DOCK4: variants seen among roughly 807,000 people sequenced by gnomAD.
DOCK4 encodes dedicator of cytokinesis protein 4.
A neutral mutation model predicts 268.1 loss-of-function variants in DOCK4; 97 were observed. The ratio of observed to expected loss-of-function variants is 0.36; its 90% CI spans 0.31 to 0.43. The LOEUF is 0.43. DOCK4 is among the 20% of genes least tolerant of loss of function. DOCK4 has a pLI of 1.00. For missense variants in DOCK4, 2,145 were observed against 2,455.7 expected (o/e 0.87, Z 2.67); for synonymous variants, 954 against 887.2 (o/e 1.08, Z -1.34).
intron 1 of DOCK4, among the ~76,000 whole-genome samples, chr7:112,059,046 C>T (rs184827142): frequency 7.9e-5 from 12 of 151,202 alleles, no homozygotes; most frequent in East Asian, 5.8e-4. Context: ...TACAACCACT[C>T]GGGAAATTCA....
chr7:112,180,946 A>T (rs1336521426), intron 1 of DOCK4, among the ~76,000 whole-genome samples: 1 of 152,222 alleles, frequency 6.6e-6, no homozygotes, highest in Non-Finnish European at 1.5e-5. Context: ...AGTTTGGAAG[A>T]CATTTCTTAA....
At chr7:111,757,305 C>T (rs1319345366) in intron 41 of DOCK4, among the ~76,000 whole-genome samples, 3 of 151,900 alleles carry the variant, frequency 2.0e-5, no homozygotes, top group African/African-American at 4.8e-5. Flanking sequence ...AAATGTAGTA[C>T]GGTGGAAAAA....
At chr7:112,116,270 C>A (rs1328704617) in intron 1 of DOCK4, among the ~76,000 whole-genome samples, 1 of 152,062 alleles carries the variant, frequency 6.6e-6, no homozygotes, top group Admixed American at 6.5e-5. Flanking sequence ...TAATGTGTGA[C>A]CCTTTGTGTC....
At chr7:112,080,853 G>T (rs550300446) in intron 1 of DOCK4, among the ~76,000 whole-genome samples, 3 of 152,174 alleles carry the variant, frequency 2.0e-5, no homozygotes, top group Admixed American at 6.5e-5. Flanking sequence ...GCAACTGGAT[G>T]CAGACAGCAA....
chr7:112,156,101 C>G (rs1816590374), intron 1 of DOCK4, among the ~76,000 whole-genome samples: 1 of 152,068 alleles, frequency 6.6e-6, no homozygotes, highest in Non-Finnish European at 1.5e-5. Context: ...GGCTGACACA[C>G]TAGAGTCTCT....
chr7:111,942,707 C>T (rs927555654), intron 10 of DOCK4, among the ~76,000 whole-genome samples: 5 of 152,142 alleles, frequency 3.3e-5, no homozygotes, highest in Admixed American at 6.6e-5. Context: ...CTACTCACCC[C>T]GCCACTCTGG....
intron 15 of DOCK4, among the ~76,000 whole-genome samples, chr7:111,897,314 C>T (rs1808836608): frequency 6.6e-6 from 1 of 152,110 alleles, no homozygotes; most frequent in African/African-American, 2.4e-5. Context: ...CTTCATTTAG[C>T]TCCTGGGTTC....
rs577263108 is a variant in DOCK4 at position 111,863,538 on chromosome 7, G to A, written c.2307C>T (p.Ala769=). ...SQAVFLSSFP[A]VYSELLKLFD... ...AGAGCTTCAACAGTTCTGAGTACAC[G>A]GCAGGGAAAGAGCTCAGAAACACAG... Residue 769 remains alanine, a synonymous_variant, in exon 23 of 53, where the codon GCC becomes GCT. Coordinates refer to ENST00000428084, the MANE Select transcript of DOCK4 (RefSeq NM_001363540.2). The A allele has an allele frequency of 1.2e-5, 20 of 1,608,714 alleles. No homozygotes were observed. Among genetic ancestry groups the A allele is most frequent in the Admixed American group, 6.7e-5 (4 of 59,608 alleles).
At chr7:111,991,440 G>A (rs1799515814) in intron 5 of DOCK4, among the ~76,000 whole-genome samples, 1 of 151,938 alleles carries the variant, frequency 6.6e-6, no homozygotes, top group African/African-American at 2.4e-5. Flanking sequence ...AATGAAAACA[G>A]TTAGGGTACA....
In DOCK4 at chr7:111,860,750, T is replaced by G. The variant is rs945118225; in HGVS notation, c.2473+2622A>C. The stretch of plus-strand genomic sequence containing the variant: ...TTCCATCCCTTACCATAGTACATAC[T>G]CTCATCAATTCCCACGGGACCCAAC... On this transcript the variant is annotated intron_variant, in intron 23 of 52. Transcript: ENST00000428084. Among the ~76,000 whole-genome samples, 22 of 152,130 alleles carry G rather than the reference T, an allele frequency of 1.4e-4. 1 individual carries two copies.
chr7:112,162,541 C>G (rs537269673), intron 1 of DOCK4, among the ~76,000 whole-genome samples: 2 of 150,838 alleles, frequency 1.3e-5, no homozygotes, highest in African/African-American at 2.5e-5. Context: ...CTCTCTCCCC[C>G]CTCTCCCTGC....
chr7:111,983,862 G>GCGCGCGCGCACACACACACACACACACA, intron 7 of DOCK4, among the ~76,000 whole-genome samples: 6 of 138,556 alleles, frequency 4.3e-5, no homozygotes, highest in African/African-American at 1.7e-4. Context: ...GCGCGCGCGC[G>GCGCGCGCGCACACACACACACACACACA]CACACACACA....
At chr7:111,990,997 T>C (rs1799477768) in intron 5 of DOCK4, among the ~76,000 whole-genome samples, 1 of 152,166 alleles carries the variant, frequency 6.6e-6, no homozygotes, top group Admixed American at 6.5e-5. Context: ...TCAATAAAAT[T>C]ATATAAGCAA....
At chr7:111,933,680 A>C (rs557126028) in intron 12 of DOCK4, among the ~76,000 whole-genome samples, 1 of 152,048 alleles carries the variant, frequency 6.6e-6, no homozygotes, top group Non-Finnish European at 1.5e-5. Flanking sequence ...GTCTCGTGTG[A>C]GTCTTTTAGA....
At chr7:112,105,569 T>TAAAAA in intron 1 of DOCK4, among the ~76,000 whole-genome samples, 1 of 147,996 alleles carries the variant, frequency 6.8e-6, no homozygotes, top group South Asian at 2.1e-4. Context: ...ACAACAAATC[T>TAAAAA]AAAAAAAAAA....
At chr7:111,981,819 T>C (rs1341236708) in intron 7 of DOCK4, among the ~76,000 whole-genome samples, 1 of 152,144 alleles carries the variant, frequency 6.6e-6, no homozygotes, top group Non-Finnish European at 1.5e-5. Context: ...AGACCCTAGA[T>C]GAGACCCTGG....
At chr7:111,829,801 T>A (rs1266233546) in intron 26 of DOCK4, among the ~76,000 whole-genome samples, 1 of 152,186 alleles carries the variant, frequency 6.6e-6, no homozygotes, top group African/African-American at 2.4e-5. Context: ...TTTACTACGA[T>A]ATCAAAACCC....
intron 1 of DOCK4, among the ~76,000 whole-genome samples, chr7:112,093,392 G>A (rs946349249): frequency 3.3e-5 from 5 of 151,628 alleles, no homozygotes; most frequent in African/African-American, 9.7e-5. Flanking sequence ...TACTCTTCAC[G>A]AAAATAATCC....
At chr7:112,055,158 A>G (rs2135568451) in intron 1 of DOCK4, among the ~76,000 whole-genome samples, 1 of 152,368 alleles carries the variant, frequency 6.6e-6, no homozygotes, top group Non-Finnish European at 1.5e-5. Flanking sequence ...TTCCTGCAGC[A>G]TATTTTCTGG....
Sources: gnomAD v4.1 joint callset for allele counts (sites outside exome capture counted in the v4.1 genomes callset) on GRCh38, gnomAD v4.1.1 for gene constraint, MANE v1.5 for transcripts, NCBI Gene and HGNC (gene_info 2026-07-23, HGNC 2026-07-21) for gene names.